Variants in PTPRD observed in about 807,000 individuals in gnomAD.
PTPRD encodes receptor-type tyrosine-protein phosphatase delta.
In PTPRD, 34 loss-of-function variants were observed where a neutral mutation model predicts 214.5. That is an observed-to-expected ratio of 0.16 (90% CI 0.12 to 0.21). The LOEUF (loss-of-function observed/expected upper bound fraction) is 0.21, where lower values mean the gene tolerates loss of function less well. Ranked by LOEUF, PTPRD falls within the 10% of genes least tolerant of loss-of-function variation. PTPRD has a pLI of 1.00. For synonymous variants in PTPRD, 1,128 were observed against 845.7 expected (o/e 1.33, Z -5.79); for missense variants, 2,545 against 2,398.7 (o/e 1.06, Z -1.27).
chr9:10,593,338 A>G (rs1055588435), intron 2 of PTPRD, among the ~76,000 whole-genome samples: 2 of 152,200 alleles, frequency 1.3e-5, no homozygotes, highest in Middle Eastern at 3.4e-3. Flanking sequence ...TAATAAATGT[A>G]TACAGCACAT....
At chr9:8,853,432 G>C (rs933600553) in intron 11 of PTPRD, among the ~76,000 whole-genome samples, 3 of 152,096 alleles carry the variant, frequency 2.0e-5, no homozygotes, top group African/African-American at 7.2e-5. Flanking sequence ...AAAAGGGAGA[G>C]AATTTGGACA....
In PTPRD at chr9:9,892,511, T is replaced by G. The variant is rs187076906; in HGVS notation, c.-368+45996A>C. On this transcript the variant is annotated intron_variant, in intron 5 of 45. Transcript: ENST00000381196. ...AAGATATAGCACAGAAACCAAATGATTCAGATCATTGTGGACACTTGTAAT... is the reference window on the plus strand; with the variant it reads ...AAGATATAGCACAGAAACCAAATGAGTCAGATCATTGTGGACACTTGTAAT... Among the ~76,000 whole-genome samples the G allele has an allele frequency of 1.8e-4, 28 of 152,062 alleles. 1 individual carries two copies. Among genetic ancestry groups the G allele is most frequent in the African/African-American group, 5.1e-4 (21 of 41,412 alleles).
intron 7 of PTPRD, among the ~76,000 whole-genome samples, chr9:9,678,938 C>A (rs2096997519): frequency 6.6e-6 from 1 of 151,680 alleles, no homozygotes; most frequent in Non-Finnish European, 1.5e-5. Context: ...ATGAAGTCCA[C>A]CTTGTGGGAA....
chr9:9,464,818 A>C (rs2093995884), intron 8 of PTPRD, among the ~76,000 whole-genome samples: 1 of 152,038 alleles, frequency 6.6e-6, no homozygotes, highest in African/African-American at 2.4e-5. Context: ...GTCCTTTCTT[A>C]CCCAGGTCTT....
chr9:10,120,743 A>C (rs57988323), intron 3 of PTPRD, among the ~76,000 whole-genome samples: 9,320 of 152,092 alleles, frequency 0.061, 366 homozygotes, highest in Admixed American at 0.1. Flanking sequence ...TCTTCAATAA[A>C]TCCTACTTGA....
chr9:8,563,837 G>A (rs1297335781), intron 14 of PTPRD, among the ~76,000 whole-genome samples: 2 of 152,088 alleles, frequency 1.3e-5, no homozygotes, highest in Non-Finnish European at 1.5e-5. Context: ...CTAAGTTTTT[G>A]TATTTTTAGT....
intron 11 of PTPRD, among the ~76,000 whole-genome samples, chr9:8,782,470 A>G (rs1207088356): frequency 1.3e-5 from 2 of 152,126 alleles, no homozygotes; most frequent in Non-Finnish European, 2.9e-5. Flanking sequence ...CTGTAATTTT[A>G]TATCCTCAAT....
At chr9:9,832,898 T>G (rs1355521268) in intron 5 of PTPRD, among the ~76,000 whole-genome samples, 1 of 151,564 alleles carries the variant, frequency 6.6e-6, no homozygotes. Flanking sequence ...TCTATGTTTT[T>G]TTTTTTCCCA....
At chr9:8,873,990 G>T (rs779084426) in intron 11 of PTPRD, among the ~76,000 whole-genome samples, 9 of 152,132 alleles carry the variant, frequency 5.9e-5, no homozygotes, top group African/African-American at 2.4e-5. Flanking sequence ...CAGAACACTT[G>T]TGTCCTTCCA....
chr9:10,387,444 C>T (rs2097939529), intron 2 of PTPRD, among the ~76,000 whole-genome samples: 1 of 151,798 alleles, frequency 6.6e-6, no homozygotes, highest in South Asian at 2.1e-4. Context: ...AGGCATAGGT[C>T]TCCTCATCCT....
intron 7 of PTPRD, among the ~76,000 whole-genome samples, chr9:9,700,572 G>C (rs1444869705): frequency 6.6e-6 from 1 of 151,816 alleles, no homozygotes; most frequent in Non-Finnish European, 1.5e-5. Flanking sequence ...AGCTGAAAGT[G>C]GTAACAATTG....
intron 11 of PTPRD, among the ~76,000 whole-genome samples, chr9:8,834,446 A>G (rs1601372091): frequency 6.6e-6 from 1 of 151,960 alleles, no homozygotes. Context: ...TGTTTATTTC[A>G]TAAAAAATGT....
intron 2 of PTPRD, among the ~76,000 whole-genome samples, chr9:10,565,724 C>T (rs373339861): frequency 2.8e-4 from 42 of 152,062 alleles, no homozygotes; most frequent in East Asian, 9.7e-4. Flanking sequence ...TTTTCTCAGA[C>T]GTCATCTTAC....
chr9:10,478,741 T>C (rs1039275150), intron 2 of PTPRD, among the ~76,000 whole-genome samples: 1 of 151,264 alleles, frequency 6.6e-6, no homozygotes, highest in African/African-American at 2.4e-5. Context: ...TATATGTATA[T>C]AAATATATAT....
intron 12 of PTPRD, among the ~76,000 whole-genome samples, chr9:8,662,480 G>C (rs1419073616): frequency 6.6e-6 from 1 of 152,126 alleles, no homozygotes. Flanking sequence ...TACAACTATA[G>C]TCTATCTGTA....
intron 7 of PTPRD, among the ~76,000 whole-genome samples, chr9:9,702,756 A>G (rs2097528613): frequency 6.6e-6 from 1 of 152,306 alleles, no homozygotes; most frequent in South Asian, 2.1e-4. Flanking sequence ...ATGCATAAAA[A>G]GAGCAGTAAA....
intron 3 of PTPRD, among the ~76,000 whole-genome samples, chr9:10,149,142 C>T (rs1420627791): frequency 1.3e-5 from 2 of 152,214 alleles, no homozygotes; most frequent in African/African-American, 2.4e-5. Context: ...GAGCAGTATT[C>T]ATATTACTCA....
At chr9:9,536,479 A>T (rs1054407330) in intron 8 of PTPRD, among the ~76,000 whole-genome samples, 2 of 152,070 alleles carry the variant, frequency 1.3e-5, no homozygotes, top group African/African-American at 4.8e-5. Flanking sequence ...TGGAATCAGT[A>T]ATATCCATGC....
chr9:10,488,004 C>CAA (rs2099144236), intron 2 of PTPRD, among the ~76,000 whole-genome samples: 1 of 138,446 alleles, frequency 7.2e-6, no homozygotes, highest in Non-Finnish European at 1.6e-5. Context: ...CTCTCTCTCT[C>CAA]TCTGTTCTGA....
Sources: allele counts gnomAD v4.1 joint callset (sites outside exome capture counted in the v4.1 genomes callset), GRCh38; gene constraint gnomAD v4.1.1; transcripts MANE v1.5; gene names NCBI Gene and HGNC (gene_info 2026-07-23, HGNC 2026-07-21).